The following PRDM1 variants were observed in gnomAD, a reference collection of about 807,000 sequenced individuals.
The protein encoded by PRDM1 is PR/SET domain 1.
Under a neutral mutation model 62.8 loss-of-function variants are expected in PRDM1, and 13 were observed. That is an observed-to-expected ratio of 0.21 (90% CI 0.13 to 0.33). PRDM1 has a LOEUF of 0.33. Ranked by LOEUF, PRDM1 falls within the 10% of genes least tolerant of loss-of-function variation. The pLI, the probability that PRDM1 is intolerant of heterozygous loss-of-function variation, is 1.00. For synonymous variants in PRDM1, 396 were observed against 417.6 expected (o/e 0.95, Z 0.63); for missense variants, 895 against 1,058.8 (o/e 0.85, Z 2.15).
At chr6:106,050,855 C>T (rs1405228532) in intron 1 of PRDM1, among the ~76,000 whole-genome samples, 1 of 152,020 alleles carries the variant, frequency 6.6e-6, no homozygotes, top group Non-Finnish European at 1.5e-5. Flanking sequence ...TCAAAAGTTA[C>T]AAGTAAAGCA....
At chr6:106,077,949 T>C (rs936862640) in intron 1 of PRDM1, among the ~76,000 whole-genome samples, 1 of 152,226 alleles carries the variant, frequency 6.6e-6, no homozygotes, top group African/African-American at 2.4e-5. Context: ...GTGAGGTAAC[T>C]GTGATGAGAT....
intron 1 of PRDM1, among the ~76,000 whole-genome samples, chr6:105,998,271 G>C (rs1364348613): frequency 1.3e-5 from 2 of 152,130 alleles, no homozygotes; most frequent in Admixed American, 6.5e-5. Flanking sequence ...GATACTTTAA[G>C]CTGTGAGAAG....
In PRDM1 at chr6:106,106,525, T is replaced by G; in HGVS notation, c.1902+26T>G. ...GTGCGCAGTATTTTCTGGGTAGACC[T>G]TCTGACCTTTGTAGAAAATGTCTGT... On this transcript the variant is annotated intron_variant, in intron 6 of 6. Coordinates refer to ENST00000369096, the MANE Select transcript of PRDM1 (RefSeq NM_001198.4). The surrounding 1 kb of genome is among the most constrained non-coding windows in gnomAD (Gnocchi z 4.4). 6.2e-7 allele frequency: 1 copy of G among 1,613,568 alleles called. No homozygotes were observed. The highest frequency in any genetic ancestry group is 8.5e-7 in the Non-Finnish European group (1 of 1,179,810).
At chr6:106,082,914 C>G (rs887285287), upstream of PRDM1, among the ~76,000 whole-genome samples, 1 of 152,132 alleles carries the variant, frequency 6.6e-6, no homozygotes, top group South Asian at 2.1e-4. Context: ...CACACACAGG[C>G]TGCATTGTAA....
intron 1 of PRDM1, among the ~76,000 whole-genome samples, chr6:106,042,243 G>A (rs901897144): frequency 6.6e-5 from 10 of 151,376 alleles, no homozygotes; most frequent in African/African-American, 1.5e-4. Flanking sequence ...GTGTGGGGCC[G>A]GGCATGGTGG....
chr6:106,057,612 A>G (rs1035138694), intron 1 of PRDM1, among the ~76,000 whole-genome samples: 1 of 152,170 alleles, frequency 6.6e-6, no homozygotes, highest in Non-Finnish European at 1.5e-5. Context: ...CAGTAAATCA[A>G]CCTTACATAT....
At chr6:106,098,151 A>C in intron 3 of PRDM1, 1 of 981,950 alleles carries the variant, frequency 1.0e-6, no homozygotes, top group Middle Eastern at 5.2e-4. Context: ...GGTGAGCACA[A>C]AATTCCTGCT....
At chr6:106,078,156 G>A (rs1402642168) in intron 1 of PRDM1, 2 of 152,212 alleles carry the variant, frequency 1.3e-5, no homozygotes, top group Non-Finnish European at 2.9e-5. Flanking sequence ...TCAGACTACT[G>A]TAGAGAAAAA....
At chr6:106,025,958 G>C (rs1462001617) in intron 1 of PRDM1, among the ~76,000 whole-genome samples, 1 of 152,178 alleles carries the variant, frequency 6.6e-6, no homozygotes, top group Non-Finnish European at 1.5e-5. Flanking sequence ...TATGAAGGCA[G>C]TTTATTTCAT....
At chr6:106,005,578 A>G (rs1772472570) in intron 1 of PRDM1, among the ~76,000 whole-genome samples, 1 of 152,234 alleles carries the variant, frequency 6.6e-6, no homozygotes, top group Non-Finnish European at 1.5e-5. Context: ...GCAACTTTCA[A>G]TTCGAAACTT....
At chr6:106,053,173 T>C (rs1364809223) in intron 1 of PRDM1, among the ~76,000 whole-genome samples, 1 of 152,220 alleles carries the variant, frequency 6.6e-6, no homozygotes, top group Non-Finnish European at 1.5e-5. Flanking sequence ...CTTCATCCGA[T>C]AATTTTTATT....
intron 1 of PRDM1, among the ~76,000 whole-genome samples, chr6:106,032,281 C>T (rs1342607427): frequency 3.3e-5 from 5 of 152,050 alleles, no homozygotes; most frequent in African/African-American, 1.2e-4. Flanking sequence ...GCCTAAGCCT[C>T]CCCAGTAGTT....
At chr6:106,084,688 T>C (rs1773757532), upstream of PRDM1, among the ~76,000 whole-genome samples, 1 of 152,220 alleles carries the variant, frequency 6.6e-6, no homozygotes, top group African/African-American at 2.4e-5. Flanking sequence ...TCAGCATCAG[T>C]TAATAAACCC....
intron 1 of PRDM1, among the ~76,000 whole-genome samples, chr6:105,998,010 T>A (rs1772370572): frequency 6.6e-6 from 1 of 152,216 alleles, no homozygotes; most frequent in Non-Finnish European, 1.5e-5. Flanking sequence ...ATTAGAAAAC[T>A]GTGTATGTTT....
At chr6:105,996,959 C>G (rs975646882) in intron 1 of PRDM1, among the ~76,000 whole-genome samples, 4 of 152,198 alleles carry the variant, frequency 2.6e-5, no homozygotes, top group Non-Finnish European at 4.4e-5. Context: ...CTTGCAAAAG[C>G]TACTACTTAT....
intron 1 of PRDM1, among the ~76,000 whole-genome samples, chr6:106,066,617 T>C (rs1332462304): frequency 1.3e-5 from 2 of 152,196 alleles, no homozygotes; most frequent in Non-Finnish European, 2.9e-5. Flanking sequence ...CCTGTCTAAC[T>C]TTTTTCCTAA....
At chr6:106,001,935 G>T (rs955703651) in intron 1 of PRDM1, among the ~76,000 whole-genome samples, 1 of 151,760 alleles carries the variant, frequency 6.6e-6, no homozygotes, top group African/African-American at 2.4e-5. Flanking sequence ...AATATTTAAT[G>T]GTTTCTCTAT....
chr6:106,109,166 C>T lies in PRDM1; in HGVS notation c.*1680C>T, dbSNP rs1194641375. The T allele has an allele frequency of 1.8e-5, 4 of 216,960 alleles. No individual in the cohort carries two copies. In the South Asian group the frequency reaches 5.6e-4, roughly 30 times the overall value. 13.4% of individuals were successfully genotyped at this position (216,960 alleles called of 1,614,324 possible). ...ATACTTGGTGACCTCACAATCACGT[C>T]GGTATGATTGGGCACCCTTGCCTAC... On this transcript the variant is annotated 3_prime_UTR_variant, in exon 7 of 7. Transcript: ENST00000369096.
rs115019092 is a variant in PRDM1 at position 106,038,702 on chromosome 6, C to T, written c.-67+45063C>T. 8.0e-3 allele frequency among the ~76,000 whole-genome samples: 1,220 copies of T among 152,248 alleles called. 19 individuals carry two copies. Among genetic ancestry groups the T allele is most frequent in the African/African-American group, 0.028 (1,177 of 41,528 alleles). On this transcript the variant is annotated intron_variant, in intron 1 of 6. Transcript: ENST00000652320. ...GGAGGATAGAGTCCCTTTTGCACACCCTGGCAAGCTGCTCCAGGAGTACAT... is the reference window on the plus strand; with the variant it reads ...GGAGGATAGAGTCCCTTTTGCACACTCTGGCAAGCTGCTCCAGGAGTACAT...
Sources: allele counts gnomAD v4.1 joint callset (sites outside exome capture counted in the v4.1 genomes callset), GRCh38; gene constraint gnomAD v4.1.1; non-coding constraint Gnocchi (gnomAD v3.1); transcripts MANE v1.5; gene names NCBI Gene and HGNC (gene_info 2026-07-23, HGNC 2026-07-21).